Variants in TGFBRAP1 observed in about 807,000 individuals in gnomAD.
TGFBRAP1 encodes transforming growth factor-beta receptor-associated protein 1.
In TGFBRAP1, 20 loss-of-function variants were observed where a neutral mutation model predicts 83.2. The observed-to-expected ratio is 0.24, with a 90% CI of 0.17 to 0.35. The LOEUF (loss-of-function observed/expected upper bound fraction) is 0.35, where lower values mean the gene tolerates loss of function less well. Among genes scored for constraint, TGFBRAP1 ranks in the 10% least tolerant of loss-of-function variants. The pLI is 1.00. For missense variants in TGFBRAP1, 950 were observed against 1,099.4 expected (o/e 0.86, Z 1.92); for synonymous variants, 415 against 459.8 (o/e 0.90, Z 1.25).
In TGFBRAP1 at chr2:105,287,918, C is replaced by T. The variant is rs553828225; in HGVS notation, c.1039-3520G>A. ...CCTACAAGCACCTGGAACAACCACA[C>T]GATGGCAGCACCGACACCTTCACGT... On this transcript the variant is annotated intron_variant, in intron 4 of 11. Coordinates refer to ENST00000393359, the MANE Select transcript of TGFBRAP1 (RefSeq NM_004257.6). Among the ~76,000 whole-genome samples the T allele has an allele frequency of 2.6e-5, 4 of 152,184 alleles. No homozygotes were observed. The East Asian group carries it at 5.8e-4, about 22-fold the overall frequency.
chr2:105,298,743 T>C (rs1385055378), intron 2 of TGFBRAP1, 38 bp from the exon 3 acceptor site: 1 of 1,519,228 alleles, frequency 6.6e-7, no homozygotes. Context: ...GGCTTCCAAA[T>C]AAGCATGGTG....
At chr2:105,276,337 AGAAAGGATGACGGTT>A in intron 7 of TGFBRAP1, among the ~76,000 whole-genome samples, 1 of 152,256 alleles carries the variant, frequency 6.6e-6, no homozygotes, top group African/African-American at 2.4e-5. Context: ...ACTTGGGGGT[AGAAAGGATGACGGTT>A]GCGTGGGTTC....
rs778329951 is a variant in TGFBRAP1 at position 105,267,387 on chromosome 2, G to A, written c.2579C>T (p.Thr860Ile). ...NPSSSSPGTR[T>I] ...CGCACCCTTGGGCCAAGCTTTTCAA[G>A]TCCGAGTGCCAGGACTGGATGAGCT... Residue 860 changes from threonine (T) to isoleucine (I), a missense_variant, in exon 12 of 12, where the codon ACT (threonine) becomes ATT (isoleucine). Thr to Ile is a moderately conservative substitution (Grantham distance 89). Coordinates refer to ENST00000393359, the MANE Select transcript of TGFBRAP1 (RefSeq NM_004257.6). The A allele has an allele frequency of 6.2e-7, 1 of 1,614,142 alleles. No homozygotes were observed. Among genetic ancestry groups the A allele is most frequent in the South Asian group, 1.1e-5 (1 of 91,070 alleles).
intron 1 of TGFBRAP1, among the ~76,000 whole-genome samples, chr2:105,310,620 C>T (rs868358004): frequency 9.2e-5 from 14 of 152,022 alleles, no homozygotes; most frequent in African/African-American, 3.4e-4. Flanking sequence ...CAGGTGAGGC[C>T]GAGTGCAGAA....
chr2:105,254,699 C>T, the TGFBRAP1 span, among the ~76,000 whole-genome samples: 56,294 of 151,794 alleles, frequency 0.37, 12,104 homozygotes, highest in South Asian at 0.55. Context: ...CTGGCCCCTT[C>T]CTACTACTAT....
chr2:105,298,387 G>A, intron 3 of TGFBRAP1, 124 bp downstream of exon 3: 2 of 1,003,918 alleles, frequency 2.0e-6, no homozygotes, highest in South Asian at 1.7e-5. Flanking sequence ...CACAGAGACT[G>A]TATTGGAGTC....
At chr2:105,308,594 G>C (rs1220698590) in intron 1 of TGFBRAP1, among the ~76,000 whole-genome samples, 1 of 151,998 alleles carries the variant, frequency 6.6e-6, no homozygotes, top group Non-Finnish European at 1.5e-5. Context: ...TCCCCACACA[G>C]AGTCACCTGG....
intron 10 of TGFBRAP1, among the ~76,000 whole-genome samples, chr2:105,272,125 T>G (rs1677176286): frequency 6.6e-6 from 1 of 152,206 alleles, no homozygotes. Flanking sequence ...CTAACCCCAG[T>G]GAGTATAAAT....
chr2:105,312,559 A>C (rs2104402149), intron 1 of TGFBRAP1, among the ~76,000 whole-genome samples: 1 of 152,324 alleles, frequency 6.6e-6, no homozygotes, highest in Non-Finnish European at 1.5e-5. Flanking sequence ...TCCCCGTCCT[A>C]TTAAGGAAAT....
intron 3 of TGFBRAP1, among the ~76,000 whole-genome samples, chr2:105,297,796 G>A (rs1678135505): frequency 6.6e-6 from 1 of 152,070 alleles, no homozygotes; most frequent in African/African-American, 2.4e-5. Context: ...AAGAATTTTG[G>A]GATTAAATAT....
Position 105,267,167 on chromosome 2 carries a change from TTTCCATGTACATTCATAGAGCCTGGTCA to T in TGFBRAP1, c.*188_*215del, listed in dbSNP as rs70953504. 433,899 of 570,106 alleles carry T rather than the reference TTTCCATGTACATTCATAGAGCCTGGTCA, an allele frequency of 0.76. 164,682 individuals are homozygous for T. The highest frequency in any genetic ancestry group is 0.83 in the Admixed American group (26,090 of 31,394). 35.3% of individuals were successfully genotyped at this position (570,106 alleles called of 1,614,324 possible). ...TTCTGTTTTGGGGATTTTTAGGGGT[TTTCCATGTACATTCATAGAGCCTGGTCA>T]TTCCATGTACATTCATAGAGCCTGG... On this transcript the variant is annotated 3_prime_UTR_variant, in exon 12 of 12. Transcript: ENST00000393359.
At chr2:105,310,404 C>G (rs1344126224) in intron 1 of TGFBRAP1, among the ~76,000 whole-genome samples, 1 of 152,124 alleles carries the variant, frequency 6.6e-6, no homozygotes, top group African/African-American at 2.4e-5. Flanking sequence ...TTCACCTCCG[C>G]CAAAACACAG....
At chr2:105,251,486 C>T in the TGFBRAP1 span, among the ~76,000 whole-genome samples, 4 of 150,270 alleles carry the variant, frequency 2.7e-5, no homozygotes, top group African/African-American at 9.8e-5. Context: ...GGAGCGTCTC[C>T]GCCCGGCAGC....
At chr2:105,255,894 C>T in the TGFBRAP1 span, among the ~76,000 whole-genome samples, 1 of 152,132 alleles carries the variant, frequency 6.6e-6, no homozygotes, top group African/African-American at 2.4e-5. Context: ...GCCTCCTGAC[C>T]AACCTGGTGC....
At chr2:105,257,108 C>A in the TGFBRAP1 span, among the ~76,000 whole-genome samples, 1 of 152,196 alleles carries the variant, frequency 6.6e-6, no homozygotes, top group Admixed American at 6.5e-5. Flanking sequence ...AGTAACCATT[C>A]TTTTATTCCT....
chr2:105,316,102 A>G (rs1181631974), intron 1 of TGFBRAP1, among the ~76,000 whole-genome samples: 6 of 152,220 alleles, frequency 3.9e-5, no homozygotes, highest in Non-Finnish European at 8.8e-5. Flanking sequence ...TATATTTCCA[A>G]TTATCTGAAG....
Position 105,266,912 on chromosome 2 carries a change from C to T in TGFBRAP1, c.*471G>A, listed in dbSNP as rs1478971778. On this transcript the variant is annotated 3_prime_UTR_variant, in exon 12 of 12. Transcript: ENST00000393359. ...TCTGCAGGAGGGCAAGGCTGACCCC[C>T]ATGAGGCTCTGTGCCCTCGCCACTC... is the stretch of plus-strand genomic sequence containing the variant. The T allele has an allele frequency of 1.3e-5, 2 of 156,822 alleles. No individual in the cohort carries two copies. Among genetic ancestry groups the T allele is most frequent in the African/African-American group, 4.8e-5 (2 of 41,520 alleles). The allele number at this position is 156,822 out of a possible 1,614,324, so 9.7% of individuals were successfully genotyped here.
chr2:105,272,302 G>A (rs953990307), intron 10 of TGFBRAP1, among the ~76,000 whole-genome samples: 1 of 152,160 alleles, frequency 6.6e-6, no homozygotes, highest in South Asian at 2.1e-4. Flanking sequence ...CTTAGAGCTC[G>A]AGGGACCTGA....
At position 105,280,568 on chromosome 2, in the gene TGFBRAP1, C is replaced by A; in HGVS notation, c.1277G>T (p.Arg426Leu). The part of the protein sequence containing the change: ...GDQEKMAKCK[R>L]FLMSYLNEVR... ...CTCGTTCAGGTAGCTCATGAGGAAG[C>A]GTTTGCACTTGGCCATCTTCTCCTG... is the stretch of plus-strand genomic sequence containing the variant. Residue 426 changes from arginine (R) to leucine (L), a missense_variant, in exon 6 of 12, where the codon CGC becomes CTC. Transcript: ENST00000393359. The A allele has an allele frequency of 1.2e-6, 2 of 1,614,090 alleles. No homozygotes were observed. Among genetic ancestry groups the A allele is most frequent in the Non-Finnish European group, 1.7e-6 (2 of 1,180,014 alleles).
Sources: allele counts gnomAD v4.1 joint callset (sites outside exome capture counted in the v4.1 genomes callset), GRCh38; gene constraint gnomAD v4.1.1; transcripts MANE v1.5; gene names NCBI Gene and HGNC (gene_info 2026-07-23, HGNC 2026-07-21).